TNPO1: variants seen among roughly 807,000 people sequenced by gnomAD.
TNPO1 encodes the protein transportin 1, also known as transportin-1.
Under a neutral mutation model 119.5 loss-of-function variants are expected in TNPO1, and 8 were observed. The observed-to-expected ratio is 0.07, with a 90% CI of 0.04 to 0.12. The LOEUF is 0.12. TNPO1 is among the 10% of genes least tolerant of loss of function. The probability of loss-of-function intolerance (pLI) is 1.00; values close to 1 mark genes in which losing one functional copy is unlikely to be tolerated. For synonymous variants in TNPO1, 362 were observed against 363.0 expected (o/e 1.00, Z 0.03); for missense variants, 576 against 1,089.8 (o/e 0.53, Z 6.64).
chr5:72,877,422 A>T, intron 9 of TNPO1, 76 bp downstream of exon 9: 1 of 751,112 alleles, frequency 1.3e-6, no homozygotes, highest in Non-Finnish European at 2.1e-6. Flanking sequence ...ATTTTTATAA[A>T]ATTCATTCTT....
At chr5:72,865,452 T>G in intron 5 of TNPO1, 144 bp from the exon 6 acceptor site, 1 of 928,280 alleles carries the variant, frequency 1.1e-6, no homozygotes, top group Non-Finnish European at 1.6e-6. Flanking sequence ...AAAAAAAAAT[T>G]GAAGGATTAA....
At chr5:72,858,474 G>A (rs1209901616) in intron 4 of TNPO1, among the ~76,000 whole-genome samples, 2 of 152,142 alleles carry the variant, frequency 1.3e-5, no homozygotes, top group African/African-American at 4.8e-5. Flanking sequence ...TATTAGTGAA[G>A]GTGGTGGAAA....
rs193039068 is a variant in TNPO1 at position 72,912,875 on chromosome 5, A to G, written c.*4202A>G. On this transcript the variant is annotated 3_prime_UTR_variant, in exon 25 of 25. Transcript: ENST00000337273. ...TATTAACAGATAATGGTGCAAAAGC[A>G]TTCTTCCCAGGGGAAGAGTGTATCA... 6.6e-6 allele frequency: 1 copy of G among 152,642 alleles called. No homozygotes were observed. Among genetic ancestry groups the G allele is most frequent in the Admixed American group, 6.5e-5 (1 of 15,294 alleles). 9.5% of individuals were successfully genotyped at this position (152,642 alleles called of 1,614,324 possible). A position where few individuals can be genotyped will look rare whatever the true frequency, so the allele number is the denominator to read the frequency against.
chr5:72,855,670 T>C, intron 3 of TNPO1, 104 bp from the exon 4 acceptor site: 1 of 940,010 alleles, frequency 1.1e-6, no homozygotes, highest in Non-Finnish European at 1.6e-6. Flanking sequence ...TATAGCAAGT[T>C]TGAATGTCAA....
At chr5:72,860,583 T>C (rs1248612545) in intron 4 of TNPO1, among the ~76,000 whole-genome samples, 2 of 152,246 alleles carry the variant, frequency 1.3e-5, no homozygotes, top group Non-Finnish European at 2.9e-5. Flanking sequence ...TCAGTGAGCA[T>C]GGGCCACCCA....
chr5:72,846,195 A>G (rs951025297), intron 1 of TNPO1, among the ~76,000 whole-genome samples: 2 of 152,212 alleles, frequency 1.3e-5, no homozygotes, highest in African/African-American at 4.8e-5. Flanking sequence ...ACTATTATGT[A>G]GGGACATTGG....
At chr5:72,869,318 G>A (rs1287121094) in intron 6 of TNPO1, among the ~76,000 whole-genome samples, 2 of 151,942 alleles carry the variant, frequency 1.3e-5, no homozygotes, top group East Asian at 1.9e-4. Context: ...AGGCTGAGGC[G>A]AGTGGATCAC....
intron 9 of TNPO1, among the ~76,000 whole-genome samples, chr5:72,880,855 TG>T (rs1359656660): frequency 6.7e-6 from 1 of 149,844 alleles, no homozygotes; most frequent in Non-Finnish European, 1.5e-5. Context: ...AATGGCTACA[TG>T]GGGGCTTCAG....
At chr5:72,870,329 A>T (rs889873744) in intron 6 of TNPO1, among the ~76,000 whole-genome samples, 74 of 151,900 alleles carry the variant, frequency 4.9e-4, no homozygotes, top group Non-Finnish European at 4.3e-4. Flanking sequence ...CTCCCAGCTA[A>T]TTTTTTATTT....
chr5:72,861,704 A>C lies in TNPO1; in HGVS notation c.356-104A>C, dbSNP rs190776059. On this transcript the variant is annotated intron_variant, in intron 4 of 24. Coordinates refer to ENST00000337273, the MANE Select transcript of TNPO1 (RefSeq NM_002270.4). The stretch of plus-strand genomic sequence containing the variant: ...CAGCATGAGCCACCATGCCTGGCCA[A>C]ATGTTATTATTTACATAAAATGTGT... 1.7e-4 allele frequency: 141 copies of C among 815,592 alleles called. No individual in the cohort carries two copies. In the Admixed American group the frequency reaches 2.9e-3, roughly 17 times the overall value. 50.5% of individuals were successfully genotyped at this position (815,592 alleles called of 1,614,324 possible).
In TNPO1 at chr5:72,910,877, G is replaced by A. The variant is rs1300704715; in HGVS notation, c.*2204G>A. On this transcript the variant is annotated 3_prime_UTR_variant, in exon 25 of 25. Coordinates refer to ENST00000337273, the MANE Select transcript of TNPO1 (RefSeq NM_002270.4). The stretch of plus-strand genomic sequence containing the variant: ...ACTTTGGCTTTGCAAATTTCAGTCT[G>A]TAGAGCCTGAAATTAAATTATTTTA... 1.3e-5 allele frequency: 2 copies of A among 152,006 alleles called. No homozygotes were observed. The highest frequency in any genetic ancestry group is 1.9e-4 in the East Asian group (1 of 5,192). The allele number at this position is 152,006 out of a possible 1,614,324, so 9.4% of individuals were successfully genotyped here.
chr5:72,854,999 T>C (rs944068422), intron 3 of TNPO1, among the ~76,000 whole-genome samples: 2 of 152,138 alleles, frequency 1.3e-5, no homozygotes, highest in African/African-American at 2.4e-5. Context: ...AAAAAATTTT[T>C]TTTTTGTTTT....
intron 22 of TNPO1, 121 bp downstream of exon 22, chr5:72,901,194 A>C (rs1418793804): frequency 1.3e-5 from 8 of 593,408 alleles, no homozygotes; most frequent in Non-Finnish European, 1.1e-5. Context: ...ATACAGTTAA[A>C]CCTTTAAAAT....
At chr5:72,879,684 C>T (rs1748083305) in intron 9 of TNPO1, among the ~76,000 whole-genome samples, 1 of 152,194 alleles carries the variant, frequency 6.6e-6, no homozygotes, top group South Asian at 2.1e-4. Flanking sequence ...ATATAAAACG[C>T]AGCTGTTTTT....
In TNPO1 at chr5:72,905,434, C is replaced by A; in HGVS notation, c.*24C>A. On this transcript the variant is annotated 3_prime_UTR_variant, in exon 24 of 25. Transcript: ENST00000337273. ...AATCTAATACACTTAAGCTGCAGTC[C>A]CAAAATTAGGGGTAAGTTATAAGAA... 3 of 1,511,834 alleles carry A rather than the reference C, an allele frequency of 2.0e-6. No individual in the cohort carries two copies. Among genetic ancestry groups the A allele is most frequent in the Non-Finnish European group, 2.7e-6 (3 of 1,108,642 alleles). The allele number at this position is 1,511,834 out of a possible 1,614,324, so 93.7% of individuals were successfully genotyped here.
At chr5:72,854,733 A>G (rs1745847910) in intron 3 of TNPO1, among the ~76,000 whole-genome samples, 1 of 152,182 alleles carries the variant, frequency 6.6e-6, no homozygotes, top group Non-Finnish European at 1.5e-5. Context: ...CCAACTGGTA[A>G]AGCCGTCAGT....
At position 72,888,182 on chromosome 5, in the gene TNPO1, C is replaced by T. The variant is rs776595232; in HGVS notation, c.1408C>T (p.Leu470Phe). Reference protein sequence around the residue: ...ALVRSITCWTLSRYAHWVVSQ... With the variant: ...ALVRSITCWTFSRYAHWVVSQ... ...TGTGCGTTCCATAACATGCTGGACTCTTAGCCGCTATGCACACTGGGTGGT... is the reference window on the plus strand; with the variant it reads ...TGTGCGTTCCATAACATGCTGGACTTTTAGCCGCTATGCACACTGGGTGGT... The change falls in exon 13 of 25, where the codon CTT becomes TTT. Residue 470 changes from leucine (L) to phenylalanine (F), a missense_variant. Physicochemically the swap from Leu to Phe is conservative, Grantham distance 22. This residue lies in a region of TNPO1 where 310 missense variants were observed against 583.0 expected (regional missense o/e 0.53). Transcript: ENST00000337273. 1.2e-6 allele frequency: 2 copies of T among 1,614,126 alleles called. No homozygotes were observed. The highest frequency in any genetic ancestry group is 1.7e-6 in the Non-Finnish European group (2 of 1,180,030).
chr5:72,888,954 G>C (rs1748855555), intron 13 of TNPO1, among the ~76,000 whole-genome samples: 1 of 152,110 alleles, frequency 6.6e-6, no homozygotes, highest in South Asian at 2.1e-4. Flanking sequence ...TATTTTAAAA[G>C]GGCCTTCTGC....
intron 1 of TNPO1, among the ~76,000 whole-genome samples, chr5:72,820,143 A>G (rs545211061): frequency 3.9e-5 from 6 of 152,246 alleles, no homozygotes; most frequent in Non-Finnish European, 8.8e-5. Context: ...TTCTTATGCT[A>G]CTTAATTATT....
Sources: allele counts gnomAD v4.1 joint callset (sites outside exome capture counted in the v4.1 genomes callset), GRCh38; gene constraint gnomAD v4.1.1; regional missense constraint gnomAD v4.1.1; transcripts MANE v1.5; gene names NCBI Gene and HGNC (gene_info 2026-07-23, HGNC 2026-07-21).